Variants in SULF2 observed in about 807,000 individuals in gnomAD.
SULF2 encodes extracellular sulfatase Sulf-2.
SULF2 carries 52 observed loss-of-function variants against 107.7 expected under a neutral mutation model. That is an observed-to-expected ratio of 0.48 (90% CI 0.39 to 0.61). The LOEUF is 0.61. SULF2 is among the 20% of genes least tolerant of loss of function. SULF2 has a pLI of 0.00. For synonymous variants in SULF2, 460 were observed against 464.3 expected (o/e 0.99, Z 0.12); for missense variants, 993 against 1,177.3 (o/e 0.84, Z 2.29).
chr20:47,658,053 T>G lies in SULF2; in HGVS notation c.*309A>C, dbSNP rs2086950401. 2 of 409,794 alleles carry G rather than the reference T, an allele frequency of 4.9e-6. No homozygotes were observed. Among genetic ancestry groups the G allele is most frequent in the East Asian group, 4.2e-5 (1 of 24,082 alleles). The allele number at this position is 409,794 out of a possible 1,614,324, so 25.4% of individuals were successfully genotyped here. A position where few individuals can be genotyped will look rare whatever the true frequency, so the allele number is the denominator to read the frequency against. On this transcript the variant is annotated 3_prime_UTR_variant, in exon 21 of 21. Coordinates refer to ENST00000688720, the MANE Select transcript of SULF2 (RefSeq NM_001387048.1). ...CCAAGGAAATCTCTCTCGCTCGCTC[T>G]CTCCGTTTTCCTTTGTGAGCTTCTG...
At position 47,664,320 on chromosome 20, in the gene SULF2, G is replaced by A. The variant is rs946212913; in HGVS notation, c.1998-131C>T. The stretch of plus-strand genomic sequence containing the variant: ...CCCCTGTCCCTCCTTCTGGGGTGGT[G>A]GTGGGTAGGGCATGACCCTATCCTC... On this transcript the variant is annotated intron_variant, in intron 14 of 20. Transcript: ENST00000688720. 6.8e-6 allele frequency: 6 copies of A among 876,870 alleles called. No homozygotes were observed. The Admixed American group carries it at 1.3e-4, about 19-fold the overall frequency. 54.3% of individuals were successfully genotyped at this position (876,870 alleles called of 1,614,324 possible).
chr20:47,661,713 T>G, intron 18 of SULF2, 60 bp downstream of exon 18: 4 of 1,409,118 alleles, frequency 2.8e-6, no homozygotes, highest in South Asian at 1.7e-5. Context: ...CACCACCTCC[T>G]GAGTCCCTTC....
chr20:47,751,160 C>T (rs376816118), intron 2 of SULF2, among the ~76,000 whole-genome samples: 8 of 152,200 alleles, frequency 5.3e-5, no homozygotes, highest in East Asian at 1.9e-4. Context: ...AAACACCTGC[C>T]GAATGAATAA....
In SULF2 at chr20:47,702,759, C is replaced by A; in HGVS notation, c.416-89G>T. 4 of 1,292,116 alleles carry A rather than the reference C, an allele frequency of 3.1e-6. No homozygotes were observed. The South Asian group carries it at 4.0e-5, about 13-fold the overall frequency. 80.0% of individuals were successfully genotyped at this position (1,292,116 alleles called of 1,614,324 possible). On this transcript the variant is annotated intron_variant, in intron 3 of 20. Coordinates refer to ENST00000688720, the MANE Select transcript of SULF2 (RefSeq NM_001387048.1). ...TGTGTGTCCGAGGCCTGAGCATGCACACCTGCTCTGCCATGGAGCCCTCTG... is the reference window on the plus strand; with the variant it reads ...TGTGTGTCCGAGGCCTGAGCATGCAAACCTGCTCTGCCATGGAGCCCTCTG...
intron 3 of SULF2, among the ~76,000 whole-genome samples, chr20:47,715,099 T>A (rs2089071290): frequency 6.8e-6 from 1 of 146,204 alleles, no homozygotes; most frequent in South Asian, 2.1e-4. Context: ...TTGTATTTTT[T>A]TTTTTTTTTT....
intron 1 of SULF2, among the ~76,000 whole-genome samples, chr20:47,774,260 G>C (rs1034931058): frequency 6.6e-6 from 1 of 152,258 alleles, no homozygotes; most frequent in Non-Finnish European, 1.5e-5. Flanking sequence ...CAGAGGCTCT[G>C]CGAGCTGAGA....
At position 47,755,111 on chromosome 20, in the gene SULF2, G is replaced by A. The variant is rs545429582; in HGVS notation, c.175+2078C>T. ...CTCCCAAAATGCTGGGATTACAGGC[G>A]TGAGCCACTGCACCCAGCTCAAATC... On this transcript the variant is annotated intron_variant, in intron 2 of 20. Coordinates refer to ENST00000688720, the MANE Select transcript of SULF2 (RefSeq NM_001387048.1). Among the ~76,000 whole-genome samples, 13 of 152,322 alleles carry A rather than the reference G, an allele frequency of 8.5e-5. No individual in the cohort carries two copies. The East Asian group carries it at 2.1e-3, about 25-fold the overall frequency.
intron 2 of SULF2, among the ~76,000 whole-genome samples, chr20:47,749,343 A>T (rs935054457): frequency 4.6e-5 from 7 of 152,206 alleles, no homozygotes; most frequent in Non-Finnish European, 8.8e-5. Flanking sequence ...GTGATCTCCC[A>T]AATGTTGCTG....
chr20:47,737,025 C>A, intron 2 of SULF2, 83 bp from the exon 3 acceptor site: 1 of 1,586,938 alleles, frequency 6.3e-7, no homozygotes, highest in Non-Finnish European at 8.6e-7. Flanking sequence ...ACGTGGCATC[C>A]CTAGGTCTGG....
At chr20:47,668,573 C>T (rs1194835527) in intron 11 of SULF2, among the ~76,000 whole-genome samples, 2 of 152,216 alleles carry the variant, frequency 1.3e-5, no homozygotes, top group African/African-American at 4.8e-5. Context: ...AGGTGCAAAC[C>T]CCTGAGCACA....
At chr20:47,735,932 T>G (rs1442507914) in intron 3 of SULF2, among the ~76,000 whole-genome samples, 1 of 152,190 alleles carries the variant, frequency 6.6e-6, no homozygotes, top group Non-Finnish European at 1.5e-5. Context: ...TTCCTGGGGT[T>G]GCAACATCTG....
intron 11 of SULF2, among the ~76,000 whole-genome samples, chr20:47,670,174 C>T (rs77828354): frequency 1.6e-3 from 242 of 152,272 alleles, no homozygotes; most frequent in African/African-American, 5.6e-3. Flanking sequence ...GGTACAATAT[C>T]ATCCGTCTTA....
chr20:47,674,959 G>A (rs1602612922), intron 10 of SULF2, among the ~76,000 whole-genome samples: 1 of 152,200 alleles, frequency 6.6e-6, no homozygotes, highest in East Asian at 1.9e-4. Context: ...CTGCCTCCCA[G>A]CTGGCCTAGG....
At chr20:47,718,402 T>C (rs1298530281) in intron 3 of SULF2, among the ~76,000 whole-genome samples, 2 of 152,338 alleles carry the variant, frequency 1.3e-5, no homozygotes, top group South Asian at 2.1e-4. Context: ...GGAGGACTCC[T>C]GTGTGGCTGG....
chr20:47,729,083 C>T (rs186912203), intron 3 of SULF2, among the ~76,000 whole-genome samples: 1 of 152,292 alleles, frequency 6.6e-6, no homozygotes, highest in Admixed American at 6.5e-5. Flanking sequence ...TCAAGGAAGG[C>T]TTCTTTGAGG....
chr20:47,688,767 G>A (rs2088100271), intron 5 of SULF2, among the ~76,000 whole-genome samples: 1 of 152,084 alleles, frequency 6.6e-6, no homozygotes, highest in South Asian at 2.1e-4. Context: ...CCAGAGATCA[G>A]GGGATGGGAA....
At chr20:47,720,270 T>TA (rs1246413288) in intron 3 of SULF2, among the ~76,000 whole-genome samples, 75 of 152,258 alleles carry the variant, frequency 4.9e-4, no homozygotes, top group African/African-American at 1.8e-3. Context: ...TATTTTATTT[T>TA]TTTTGAGACA....
In SULF2 at chr20:47,665,286, G is replaced by A; in HGVS notation, c.1910C>T (p.Thr637Ile). ...CAGGTTCTTAATTTTGTTCTGCAGG[G>A]TTTCAATCTGAGGGAGGGGCAGAAG... ...HKLHIDHEIE[T>I]LQNKIKNLRE... The change falls in exon 14 of 21, where the codon ACC becomes ATC. Residue 637 changes from threonine to isoleucine, a missense_variant. Transcript: ENST00000688720. The A allele has an allele frequency of 1.9e-6, 3 of 1,610,796 alleles. No individual in the cohort carries two copies. The highest frequency in any genetic ancestry group is 2.5e-6 in the Non-Finnish European group (3 of 1,177,082).
At chr20:47,732,302 G>A (rs1232286246) in intron 3 of SULF2, among the ~76,000 whole-genome samples, 1 of 152,170 alleles carries the variant, frequency 6.6e-6, no homozygotes, top group Non-Finnish European at 1.5e-5. Flanking sequence ...TATTAACTGT[G>A]GTTGAGGAGG....
Sources: gnomAD v4.1 joint callset for allele counts (sites outside exome capture counted in the v4.1 genomes callset) on GRCh38, gnomAD v4.1.1 for gene constraint, MANE v1.5 for transcripts, NCBI Gene and HGNC (gene_info 2026-07-23, HGNC 2026-07-21) for gene names.